SPAG7: variants seen among roughly 807,000 people sequenced by gnomAD.
SPAG7 encodes sperm associated antigen 7, also known as sperm-associated antigen 7.
SPAG7 carries 20 observed loss-of-function variants against 30.6 expected under a neutral mutation model. The observed-to-expected ratio is 0.65, with a 90% CI of 0.46 to 0.95. The LOEUF is 0.95. SPAG7 is among the 40% of genes least tolerant of loss of function. SPAG7 has a pLI of 0.00. For missense variants in SPAG7, 276 were observed against 291.1 expected (o/e 0.95, Z 0.38); for synonymous variants, 127 against 104.2 (o/e 1.22, Z -1.33).
rs796894618 is a variant in SPAG7 at position 4,966,968 on chromosome 17, C to T, written c.85+752G>A. ...GCCAGTATCATCCCAAGCTGCAACACGAGCAGCCCCGGGGAGGCTCCCACC... is the reference window on the plus strand; with the variant it reads ...GCCAGTATCATCCCAAGCTGCAACATGAGCAGCCCCGGGGAGGCTCCCACC... On this transcript the variant is annotated intron_variant, in intron 1 of 6. Coordinates refer to ENST00000206020, the MANE Select transcript of SPAG7 (RefSeq NM_004890.3). 22 of 985,534 alleles carry T rather than the reference C, an allele frequency of 2.2e-5. No homozygotes were observed. In the East Asian group the frequency reaches 8.0e-4, roughly 36 times the overall value. The allele number at this position is 985,534 out of a possible 1,614,324, so 61.0% of individuals were successfully genotyped here.
intron 1 of SPAG7, among the ~76,000 whole-genome samples, chr17:4,963,108 T>C (rs1025340527): frequency 5.4e-4 from 82 of 152,124 alleles, no homozygotes; most frequent in Non-Finnish European, 3.4e-4. Flanking sequence ...AAATAAATGT[T>C]TGGGCTGAGC....
intron 3 of SPAG7, 28 bp from the exon 4 acceptor site, chr17:4,960,346 G>A: frequency 1.2e-6 from 2 of 1,612,174 alleles, no homozygotes; most frequent in Non-Finnish European, 8.5e-7. Context: ...AGGGGAAAGA[G>A]CATCTTGAGC....
At position 4,959,306 on chromosome 17, in the gene SPAG7, A is replaced by G; in HGVS notation, c.*228T>C. 1.7e-6 allele frequency: 1 copy of G among 585,786 alleles called. No individual in the cohort carries two copies. Among genetic ancestry groups the G allele is most frequent in the Non-Finnish European group, 3.0e-6 (1 of 328,730 alleles). The allele number at this position is 585,786 out of a possible 1,614,324, so 36.3% of individuals were successfully genotyped here. A position where few individuals can be genotyped will look rare whatever the true frequency, so the allele number is the denominator to read the frequency against. ...ATTCCAAGAACGGGGAATAATACAG[A>G]TTAAATACCCACCTGTGCATTCACA... is the stretch of plus-strand genomic sequence containing the variant. On this transcript the variant is annotated 3_prime_UTR_variant, in exon 7 of 7. Coordinates refer to ENST00000206020, the MANE Select transcript of SPAG7 (RefSeq NM_004890.3).
intron 5 of SPAG7, 52 bp downstream of exon 5, chr17:4,959,970 C>G (rs371518262): frequency 1.6e-4 from 264 of 1,613,308 alleles, no homozygotes; most frequent in Non-Finnish European, 2.0e-4. Flanking sequence ...AAACCCCCAC[C>G]CCTCCCAGGT....
chr17:4,961,326 G>A (rs1379406748), intron 1 of SPAG7, among the ~76,000 whole-genome samples: 1 of 151,934 alleles, frequency 6.6e-6, no homozygotes, highest in Admixed American at 6.6e-5. Context: ...GTGTGGTGGT[G>A]GGCGCCTATA....
intron 1 of SPAG7, among the ~76,000 whole-genome samples, chr17:4,964,538 T>C (rs1318988420): frequency 6.6e-6 from 1 of 151,460 alleles, no homozygotes; most frequent in Non-Finnish European, 1.5e-5. Context: ...ATTTTTTGTA[T>C]TTTTAGTGGA....
rs1567675529 is a variant in SPAG7 at position 4,959,489 on chromosome 17, G to GC, written c.*44dup. ...AATAGCAGCAGCCTTGTCTCTCCCT[G>GC]CCCCCTGCCCTGCCCCAGGGGTCAA... On this transcript the variant is annotated 3_prime_UTR_variant, in exon 7 of 7. Coordinates refer to ENST00000206020, the MANE Select transcript of SPAG7 (RefSeq NM_004890.3). 4 of 1,501,380 alleles carry GC rather than the reference G, an allele frequency of 2.7e-6. No homozygotes were observed. Among genetic ancestry groups the GC allele is most frequent in the Non-Finnish European group, 3.7e-6 (4 of 1,085,292 alleles). 93.0% of individuals were successfully genotyped at this position (1,501,380 alleles called of 1,614,324 possible).
chr17:4,967,310 C>T, intron 1 of SPAG7: 1 of 830,210 alleles, frequency 1.2e-6, no homozygotes, highest in Non-Finnish European at 1.5e-6. Context: ...GGAGGCAGAG[C>T]TTTAAGTTGA....
chr17:4,960,396 G>A (rs1170776751), intron 3 of SPAG7, 63 bp downstream of exon 3: 155 of 1,593,728 alleles, frequency 9.7e-5, no homozygotes, highest in East Asian at 3.6e-4. Context: ...GGAGCCCCCC[G>A]CTGGCCCTTT....
At chr17:4,964,317 T>G (rs1259262012) in intron 1 of SPAG7, among the ~76,000 whole-genome samples, 1 of 151,478 alleles carries the variant, frequency 6.6e-6, no homozygotes, top group Non-Finnish European at 1.5e-5. Context: ...CTCCTCAGCC[T>G]GAAATTTTTT....
Position 4,965,477 on chromosome 17 carries a change from C to A in SPAG7, c.85+2243G>T, listed in dbSNP as rs536436735. On this transcript the variant is annotated intron_variant, in intron 1 of 6. Coordinates refer to ENST00000206020, the MANE Select transcript of SPAG7 (RefSeq NM_004890.3). ...GGGCTCCAAGCTCCTTTGGCTGAGA[C>A]ACCCAGCAGCATAGACAGAGAACTA... 5.3e-5 allele frequency among the ~76,000 whole-genome samples: 8 copies of A among 152,214 alleles called. No individual in the cohort carries two copies. The South Asian group carries it at 1.5e-3, about 28-fold the overall frequency.
intron 1 of SPAG7, chr17:4,966,868 G>C (rs1230565926): frequency 7.1e-6 from 7 of 985,374 alleles, no homozygotes; most frequent in Non-Finnish European, 8.4e-6. Context: ...GGTCCCCCTG[G>C]GGCACGTGGG....
rs756513369 is a variant in SPAG7 at position 4,959,811 on chromosome 17, C to T, written c.523G>A (p.Ala175Thr). 1 of 1,614,210 alleles carries T rather than the reference C, an allele frequency of 6.2e-7. No homozygotes were observed. Among genetic ancestry groups the T allele is most frequent in the Non-Finnish European group, 8.5e-7 (1 of 1,180,032 alleles). ...DKYSHLIGKGAAKDAAHMLQA... is the reference protein window; with the variant it reads ...DKYSHLIGKGTAKDAAHMLQA... Reference sequence around the variant, plus strand: ...AGCATGTGGGCTGCGTCTTTGGCTGCTCCCTTGCCGATGAGGTGGCTGTAC... The same window carrying T: ...AGCATGTGGGCTGCGTCTTTGGCTGTTCCCTTGCCGATGAGGTGGCTGTAC... Residue 175 changes from alanine (A) to threonine (T), a missense_variant, in exon 6 of 7, where the codon GCA (alanine) becomes ACA (threonine). Transcript: ENST00000206020.
intron 4 of SPAG7, 59 bp downstream of exon 4, chr17:4,960,175 G>C: frequency 6.2e-7 from 1 of 1,601,058 alleles, no homozygotes; most frequent in Non-Finnish European, 8.6e-7. Context: ...TCCTTGGTCG[G>C]GGAGGGGGGA....
At chr17:4,967,201 G>GT in intron 1 of SPAG7, 2 of 990,110 alleles carry the variant, frequency 2.0e-6, no homozygotes, top group Non-Finnish European at 2.4e-6. Flanking sequence ...AAGGGACTGG[G>GT]TTAAATTAAG....
At chr17:4,967,041 C>G (rs968656884) in intron 1 of SPAG7, 9 of 985,744 alleles carry the variant, frequency 9.1e-6, no homozygotes, top group Non-Finnish European at 1.1e-5. Flanking sequence ...CCAGCCCACC[C>G]GCAGGGAAGC....
chr17:4,967,305 C>T, intron 1 of SPAG7: 1 of 868,072 alleles, frequency 1.2e-6, no homozygotes. Context: ...CCTGAGGAGG[C>T]AGAGCTTTAA....
intron 4 of SPAG7, 55 bp downstream of exon 4, chr17:4,960,179 G>A (rs546734278): frequency 5.0e-6 from 8 of 1,598,470 alleles, no homozygotes; most frequent in Admixed American, 3.3e-5. Flanking sequence ...TGGTCGGGGA[G>A]GGGGGATAAG....
intron 1 of SPAG7, among the ~76,000 whole-genome samples, chr17:4,961,692 G>A (rs1418286440): frequency 1.3e-5 from 2 of 149,518 alleles, no homozygotes; most frequent in African/African-American, 4.9e-5. Context: ...GTGAACCTGG[G>A]AGGCGGAGCT....
Sources: gnomAD v4.1 joint callset for allele counts (sites outside exome capture counted in the v4.1 genomes callset) on GRCh38, gnomAD v4.1.1 for gene constraint, MANE v1.5 for transcripts, NCBI Gene and HGNC (gene_info 2026-07-23, HGNC 2026-07-21) for gene names.